The following LDAH variants were observed in gnomAD, a reference collection of about 807,000 sequenced individuals.
LDAH encodes lipid droplet associated hydrolase.
LDAH carries 26 observed loss-of-function variants against 29.6 expected under a neutral mutation model. That is an observed-to-expected ratio of 0.88 (90% CI 0.64 to 1.22). The LOEUF (loss-of-function observed/expected upper bound fraction) is 1.22, where lower values mean the gene tolerates loss of function less well. Among genes scored for constraint, LDAH ranks in the 50% most tolerant of loss-of-function variants. The pLI is 0.00. For synonymous variants in LDAH, 117 were observed against 133.0 expected (o/e 0.88, Z 0.83); for missense variants, 344 against 387.3 (o/e 0.89, Z 0.94).
chr2:20,818,451 G>A (rs1405469534), intron 1 of LDAH, among the ~76,000 whole-genome samples: 2 of 151,934 alleles, frequency 1.3e-5, no homozygotes, highest in African/African-American at 2.4e-5. Flanking sequence ...TTCTTTTTAC[G>A]CTTCTGCTGT....
chr2:20,717,016 T>C (rs1482171673), intron 5 of LDAH, among the ~76,000 whole-genome samples: 4 of 152,148 alleles, frequency 2.6e-5, no homozygotes, highest in African/African-American at 9.7e-5. Context: ...AAATGGTCTT[T>C]TCACTAAATG....
chr2:20,716,688 G>A (rs1390478298), intron 5 of LDAH, among the ~76,000 whole-genome samples: 1 of 145,020 alleles, frequency 6.9e-6, no homozygotes, highest in African/African-American at 2.5e-5. Context: ...TAACAAACCT[G>A]CACGTTGTGT....
downstream of LDAH, among the ~76,000 whole-genome samples, chr2:20,682,886 T>C (rs776813820): frequency 1.3e-5 from 2 of 152,178 alleles, no homozygotes; most frequent in Non-Finnish European, 2.9e-5. Context: ...AGTCAGAACA[T>C]CACAGGATTG....
rs112173690 is a variant in LDAH at position 20,687,937 on chromosome 2, T to C, written c.787-843A>G. Among the ~76,000 whole-genome samples the C allele has an allele frequency of 5.8e-4, 89 of 152,366 alleles. 1 individual carries two copies. The highest frequency in any genetic ancestry group is 2.0e-3 in the African/African-American group (84 of 41,584). The stretch of plus-strand genomic sequence containing the variant: ...ATCTTAAGGATCCTTTGACCTCTGT[T>C]ATCACTGAAAGACAGAGCTATGCCT... On this transcript the variant is annotated intron_variant, in intron 6 of 6. Coordinates refer to ENST00000237822, the MANE Select transcript of LDAH (RefSeq NM_021925.4).
chr2:20,752,975 GACAACAACA>G (rs3047722), intron 4 of LDAH, among the ~76,000 whole-genome samples: 4 of 151,436 alleles, frequency 2.6e-5, no homozygotes, highest in Non-Finnish European at 4.4e-5. Context: ...AGAAAACAAC[GACAACAACA>G]ACAACAACAA....
intron 1 of LDAH, among the ~76,000 whole-genome samples, chr2:20,811,965 G>C (rs966490406): frequency 2.6e-5 from 4 of 152,086 alleles, no homozygotes; most frequent in African/African-American, 9.7e-5. Flanking sequence ...TGAGAGTCTT[G>C]GTAATGATAT....
At chr2:20,692,539 A>G (rs1347155984) in intron 6 of LDAH, among the ~76,000 whole-genome samples, 1 of 152,264 alleles carries the variant, frequency 6.6e-6, no homozygotes. Flanking sequence ...CAGTAGGACT[A>G]CAGGCATTAC....
At chr2:20,728,498 C>T (rs1666172383) in intron 5 of LDAH, among the ~76,000 whole-genome samples, 2 of 151,622 alleles carry the variant, frequency 1.3e-5, no homozygotes, top group Non-Finnish European at 2.9e-5. Context: ...TCTAGCAGAG[C>T]CCACTGATCA....
chr2:20,792,631 C>T (rs985208134), intron 2 of LDAH, among the ~76,000 whole-genome samples: 1 of 152,102 alleles, frequency 6.6e-6, no homozygotes, highest in East Asian at 1.9e-4. Flanking sequence ...CAAAACTTGG[C>T]ACATGGTAGG....
chr2:20,762,658 G>T (rs115791624), intron 4 of LDAH, among the ~76,000 whole-genome samples: 1,680 of 152,236 alleles, frequency 0.011, 26 homozygotes, highest in African/African-American at 0.038. Context: ...ACACATTGTG[G>T]TAGGCACACA....
chr2:20,817,645 A>G (rs1672942783), intron 1 of LDAH, among the ~76,000 whole-genome samples: 1 of 152,138 alleles, frequency 6.6e-6, no homozygotes. Context: ...CATATGACTT[A>G]GCAATTGTAC....
At position 20,710,643 on chromosome 2, in the gene LDAH, G is replaced by T. The variant is rs61340891; in HGVS notation, c.704-8991C>A. On this transcript the variant is annotated intron_variant, in intron 5 of 6. Transcript: ENST00000237822. ...ATAGATATATATATATAGATATATAGTATACATATATATACACATATATAT... is the reference window on the plus strand; with the variant it reads ...ATAGATATATATATATAGATATATATTATACATATATATACACATATATAT... 1.2e-3 allele frequency among the ~76,000 whole-genome samples: 169 copies of T among 138,472 alleles called. 4 individuals are homozygous for T. In the South Asian group the frequency reaches 0.035, roughly 29 times the overall value. The allele number at this position is 138,472 out of a possible 152,430, so 90.8% of individuals were successfully genotyped here.
At chr2:20,688,959 A>G (rs148094573) in intron 6 of LDAH, among the ~76,000 whole-genome samples, 4 of 150,540 alleles carry the variant, frequency 2.7e-5, no homozygotes, top group African/African-American at 9.8e-5. Flanking sequence ...CATCTACATT[A>G]GGTATTTCTC....
At chr2:20,692,884 G>A (rs1246433075) in intron 6 of LDAH, among the ~76,000 whole-genome samples, 1 of 152,102 alleles carries the variant, frequency 6.6e-6, no homozygotes, top group Non-Finnish European at 1.5e-5. Flanking sequence ...TTCTCATAAT[G>A]TCTTTATATC....
At chr2:20,816,707 C>T (rs1451201468) in intron 1 of LDAH, among the ~76,000 whole-genome samples, 1 of 151,824 alleles carries the variant, frequency 6.6e-6, no homozygotes, top group Non-Finnish European at 1.5e-5. Flanking sequence ...GAACAGAACA[C>T]CACCATCAAT....
intron 6 of LDAH, among the ~76,000 whole-genome samples, chr2:20,687,585 C>CTTT (rs1286506444): frequency 6.6e-6 from 1 of 152,196 alleles, no homozygotes; most frequent in Non-Finnish European, 1.5e-5. Context: ...GAAATGTGAT[C>CTTT]AGAATCCTGA....
Position 20,685,771 on chromosome 2 carries a change from G to T in LDAH, c.*1132C>A. 1 of 1,263,394 alleles carries T rather than the reference G, an allele frequency of 7.9e-7. No homozygotes were observed. The highest frequency in any genetic ancestry group is 2.6e-5 in the East Asian group (1 of 38,468). 78.3% of individuals were successfully genotyped at this position (1,263,394 alleles called of 1,614,324 possible). ...AATATTGTCAGCCCACTCTAGGCCA[G>T]GGAATATGTGTCTTCTCTGCCATAC... is the stretch of plus-strand genomic sequence containing the variant. On this transcript the variant is annotated 3_prime_UTR_variant, in exon 7 of 7. Transcript: ENST00000237822.
Position 20,685,631 on chromosome 2 carries a change from G to A in LDAH, c.*1272C>T, listed in dbSNP as rs982167248. 6.5e-7 allele frequency: 1 copy of A among 1,550,326 alleles called. No homozygotes were observed. The highest frequency in any genetic ancestry group is 8.7e-7 in the Non-Finnish European group (1 of 1,146,934). Reference sequence around the variant, plus strand: ...GGAGGGACATCTCATTGTCCTTAGGGAATGATAATGCCATGAGGGATTTCC... The same window carrying A: ...GGAGGGACATCTCATTGTCCTTAGGAAATGATAATGCCATGAGGGATTTCC... On this transcript the variant is annotated 3_prime_UTR_variant, in exon 7 of 7. Coordinates refer to ENST00000237822, the MANE Select transcript of LDAH (RefSeq NM_021925.4).
intron 4 of LDAH, among the ~76,000 whole-genome samples, chr2:20,749,832 A>G (rs1215986614): frequency 1.3e-5 from 2 of 152,138 alleles, no homozygotes; most frequent in Non-Finnish European, 2.9e-5. Flanking sequence ...TGTCCTGCTT[A>G]GTTCAGGAAA....
Sources: gnomAD v4.1 joint callset for allele counts (sites outside exome capture counted in the v4.1 genomes callset) on GRCh38, gnomAD v4.1.1 for gene constraint, MANE v1.5 for transcripts, NCBI Gene and HGNC (gene_info 2026-07-23, HGNC 2026-07-21) for gene names.